The following EYS variants were observed in gnomAD, a reference collection of about 807,000 sequenced individuals.
The protein encoded by EYS is EGF-like photoreceptor maintenance factor.
A neutral mutation model predicts 282.1 loss-of-function variants in EYS; 250 were observed. The ratio of observed to expected loss-of-function variants is 0.89; its 90% CI spans 0.80 to 0.98. The LOEUF is 0.98. Among genes scored for constraint, EYS ranks in the 50% least tolerant of loss-of-function variants. The probability of loss-of-function intolerance (pLI) is 0.00; values close to 1 mark genes in which losing one functional copy is unlikely to be tolerated. For synonymous variants in EYS, 1,355 were observed against 1,282.9 expected, an observed-to-expected ratio of 1.06 and a Z score of -1.20; for missense variants, 4,016 against 3,709.0, an observed-to-expected ratio of 1.08 and a Z score of -2.15.
intron 22 of EYS, among the ~76,000 whole-genome samples, chr6:64,660,355 C>T (rs909672012): frequency 5.8e-4 from 88 of 151,812 alleles, no homozygotes; most frequent in African/African-American, 1.9e-3. Flanking sequence ...CTCACCACTC[C>T]TATTCAACAT....
At chr6:63,828,214 A>G (rs2149689396) in intron 36 of EYS, among the ~76,000 whole-genome samples, 1 of 152,322 alleles carries the variant, frequency 6.6e-6, no homozygotes, top group African/African-American at 2.4e-5. Context: ...CCAGCAGAAG[A>G]AAGGAAATAA....
intron 22 of EYS, among the ~76,000 whole-genome samples, chr6:64,791,498 C>T (rs1583162576): frequency 6.6e-6 from 1 of 151,962 alleles, no homozygotes; most frequent in East Asian, 1.9e-4. Context: ...GAATAGAAAT[C>T]TGCTATAAAA....
chr6:64,985,746 C>G (rs755162223), intron 14 of EYS, among the ~76,000 whole-genome samples: 2 of 151,464 alleles, frequency 1.3e-5, no homozygotes, highest in Non-Finnish European at 3.0e-5. Flanking sequence ...ATTTGGACAT[C>G]TGTATTTTTG....
intron 26 of EYS, among the ~76,000 whole-genome samples, chr6:64,460,944 A>C (rs1424891348): frequency 5.3e-5 from 8 of 152,218 alleles, no homozygotes; most frequent in African/African-American, 1.9e-4. Flanking sequence ...CATTCTTCTC[A>C]AAATTTGGGG....
At chr6:64,362,762 T>C (rs947135711) in intron 29 of EYS, among the ~76,000 whole-genome samples, 7 of 151,770 alleles carry the variant, frequency 4.6e-5, no homozygotes, top group Non-Finnish European at 1.0e-4. Context: ...TAATATGAAG[T>C]AATGTATTTA....
At chr6:64,434,629 AT>A (rs1235597843) in intron 28 of EYS, among the ~76,000 whole-genome samples, 1 of 151,900 alleles carries the variant, frequency 6.6e-6, no homozygotes, top group Non-Finnish European at 1.5e-5. Context: ...AAACTTACAG[AT>A]TTTGGAGTGA....
rs138395061 is a variant in EYS, at chr6:65,071,946, C to G, written c.2024-14219G>C. ...ATTGCATCCCTTTTTGCTCTTTCAT[C>G]TTCTGAACCTACTAGTGTCTTGATA... On this transcript the variant is annotated intron_variant, in intron 12 of 42. Transcript: ENST00000503581. 6.6e-5 allele frequency among the ~76,000 whole-genome samples: 10 copies of G among 151,880 alleles called. No homozygotes were observed. In the East Asian group the frequency reaches 1.9e-3, roughly 29 times the overall value.
At chr6:64,980,193 T>C (rs1467228605) in intron 14 of EYS, among the ~76,000 whole-genome samples, 2 of 151,596 alleles carry the variant, frequency 1.3e-5, no homozygotes, top group African/African-American at 2.4e-5. Context: ...AATGCAAATT[T>C]TATTGTTATT....
At chr6:65,399,187 T>C (rs889465480) in intron 7 of EYS, among the ~76,000 whole-genome samples, 4 of 152,098 alleles carry the variant, frequency 2.6e-5, no homozygotes, top group Non-Finnish European at 5.9e-5. Context: ...AGTATCTGCC[T>C]ACTGGAATGT....
Position 63,721,545 on chromosome 6 carries a change from A to G in EYS, c.8486T>C (p.Leu2829Ser). The G allele has an allele frequency of 1.3e-6, 2 of 1,551,758 alleles. No individual in the cohort carries two copies. Among genetic ancestry groups the G allele is most frequent in the Non-Finnish European group, 1.7e-6 (2 of 1,146,874 alleles). The change falls in exon 43 of 43, where the codon TTA becomes TCA. Residue 2829 changes from leucine to serine, a missense_variant. Coordinates refer to ENST00000503581, the MANE Select transcript of EYS (RefSeq NM_001142800.2). ...TATTGCCATGGGATTTACAAGATTTAAAGAAGATACTCCTCCAATATAGAA... is the reference window on the plus strand; with the variant it reads ...TATTGCCATGGGATTTACAAGATTTGAAGAAGATACTCCTCCAATATAGAA... ...TDFYIGGVSS[L>S]NLVNPMAIEN...
intron 26 of EYS, among the ~76,000 whole-genome samples, chr6:64,573,420 T>C (rs1372977534): frequency 6.6e-6 from 1 of 151,920 alleles, no homozygotes; most frequent in Non-Finnish European, 1.5e-5. Flanking sequence ...AAGCCAAAAT[T>C]TGCAAATGGG....
chr6:63,937,345 C>CTTTTTTTTTTTTTTTTTTTTTT (rs778809745), intron 35 of EYS, among the ~76,000 whole-genome samples: 2 of 54,500 alleles, frequency 3.7e-5, no homozygotes, highest in Non-Finnish European at 7.0e-5. Flanking sequence ...TCTCTCTTTT[C>CTTTTTTTTTTTTTTTTTTTTTT]TTTTTTTTTT....
intron 2 of EYS, among the ~76,000 whole-genome samples, chr6:65,592,676 C>T (rs1468068060): frequency 6.6e-6 from 1 of 151,908 alleles, no homozygotes; most frequent in Admixed American, 6.6e-5. Context: ...AACTCAAATG[C>T]TTGAGGCCCT....
chr6:64,306,914 T>A, intron 30 of EYS, 56 bp downstream of exon 30: 1 of 817,064 alleles, frequency 1.2e-6, no homozygotes, highest in Non-Finnish European at 2.0e-6. Context: ...GGAAATGATA[T>A]CTTTTGGTGT....
At chr6:64,989,404 T>TATATATATATATATATATATATAG (rs2150121389) in intron 14 of EYS, among the ~76,000 whole-genome samples, 1 of 123,626 alleles carries the variant, frequency 8.1e-6, no homozygotes, top group South Asian at 2.4e-4. Flanking sequence ...AATATATATA[T>TATATATATATATATATATATATAG]ATATATATAT....
chr6:65,629,972 T>C (rs9363407), intron 2 of EYS, among the ~76,000 whole-genome samples: 31,638 of 152,070 alleles, frequency 0.21, 3,350 homozygotes, highest in East Asian at 0.32. Context: ...AGAAGGATAA[T>C]AGAAAGTTAA....
At chr6:65,706,301 A>C (rs1769875875) in intron 1 of EYS, among the ~76,000 whole-genome samples, 1 of 151,950 alleles carries the variant, frequency 6.6e-6, no homozygotes, top group South Asian at 2.1e-4. Flanking sequence ...CCCTTATTTT[A>C]ATATTGTATA....
intron 1 of EYS, among the ~76,000 whole-genome samples, chr6:65,704,549 G>C (rs569639220): frequency 3.3e-5 from 5 of 152,154 alleles, no homozygotes; most frequent in African/African-American, 1.2e-4. Context: ...TTCAGACTTT[G>C]ATGTGGTTCT....
Position 65,490,845 on chromosome 6 carries a change from G to A in EYS, c.749-138C>T, listed in dbSNP as rs1766016717. 8.1e-6 allele frequency: 5 copies of A among 620,766 alleles called. No individual in the cohort carries two copies. The Admixed American group carries it at 8.7e-5, about 11-fold the overall frequency. 38.5% of individuals were successfully genotyped at this position (620,766 alleles called of 1,614,324 possible). A position where few individuals can be genotyped will look rare whatever the true frequency, so the allele number is the denominator to read the frequency against. On this transcript the variant is annotated intron_variant, in intron 4 of 42. Coordinates refer to ENST00000503581, the MANE Select transcript of EYS (RefSeq NM_001142800.2). ...TTATGAAACCATGTTATACGATGAT[G>A]CATTTAAATTGAAATAAAAATTAAT...
Sources: gnomAD v4.1 joint callset for allele counts (sites outside exome capture counted in the v4.1 genomes callset) on GRCh38, gnomAD v4.1.1 for gene constraint, MANE v1.5 for transcripts, NCBI Gene and HGNC (gene_info 2026-07-23, HGNC 2026-07-21) for gene names.